The following ERICH1 variants were observed in gnomAD, a reference collection of about 807,000 sequenced individuals.
ERICH1 encodes the protein glutamate-rich protein 1.
Under a neutral mutation model 39.6 loss-of-function variants are expected in ERICH1, and 56 were observed. That is an observed-to-expected ratio of 1.41 (90% CI 1.14 to 1.77). ERICH1 has a LOEUF of 1.77. Ranked by LOEUF, ERICH1 falls within the 40% of genes most tolerant of loss-of-function variation. The pLI is 0.00. For missense variants in ERICH1, 826 were observed against 575.4 expected (o/e 1.44, Z -4.45); for synonymous variants, 313 against 223.6 (o/e 1.40, Z -3.57).
chr8:636,964 T>G (rs1798487280), intron 3 of ERICH1, among the ~76,000 whole-genome samples: 1 of 152,212 alleles, frequency 6.6e-6, no homozygotes, highest in Non-Finnish European at 1.5e-5. Context: ...CACAGTCCAC[T>G]TTCTGCAGGG....
At position 645,166 on chromosome 8, in the gene ERICH1, G is replaced by C. The variant is rs950075260; in HGVS notation, c.976+23432C>G. 4.4e-5 allele frequency among the ~76,000 whole-genome samples: 3 copies of C among 68,490 alleles called. 1 individual carries two copies. Among genetic ancestry groups the C allele is most frequent in the African/African-American group, 1.1e-4 (3 of 27,228 alleles). The allele number at this position is 68,490 out of a possible 152,430, so 44.9% of individuals were successfully genotyped here. A position where few individuals can be genotyped will look rare whatever the true frequency, so the allele number is the denominator to read the frequency against. ...GGAGGTGGGTGCGGCTCTCTGCAGGGAAGACCCCTTTCCCTCGGCTGGCAC... is the reference window on the plus strand; with the variant it reads ...GGAGGTGGGTGCGGCTCTCTGCAGGCAAGACCCCTTTCCCTCGGCTGGCAC... On this transcript the variant is annotated intron_variant, in intron 3 of 3. Transcript: ENST00000522706.
At chr8:640,337 G>A (rs957871055) in intron 3 of ERICH1, among the ~76,000 whole-genome samples, 23 of 152,190 alleles carry the variant, frequency 1.5e-4, no homozygotes, top group East Asian at 1.9e-4. Context: ...GTGGCAGGGC[G>A]AGCTCTCTCC....
downstream of ERICH1, among the ~76,000 whole-genome samples, chr8:663,211 C>T (rs926505305): frequency 2.0e-5 from 3 of 152,198 alleles, no homozygotes; most frequent in African/African-American, 7.2e-5. Context: ...AGGGAAGTGG[C>T]AGGACAGGGG....
rs1799460286 is a variant in ERICH1 at position 645,881 on chromosome 8, T to G, written c.976+22717A>C. ...ACTTCACATCTGGCTCCTTCTGTTC[T>G]GAAATGGAACTTGGCGCTAACTGGA... is the stretch of plus-strand genomic sequence containing the variant. On this transcript the variant is annotated intron_variant, in intron 3 of 3. Coordinates refer to the ERICH1 transcript ENST00000522706. 2.9e-5 allele frequency among the ~76,000 whole-genome samples: 2 copies of G among 69,494 alleles called. 1 individual carries two copies. Among genetic ancestry groups the G allele is most frequent in the African/African-American group, 7.2e-5 (2 of 27,724 alleles). The allele number at this position is 69,494 out of a possible 152,430, so 45.6% of individuals were successfully genotyped here.
chr8:626,522 T>C (rs1319713910), intron 3 of ERICH1: 1 of 154,268 alleles, frequency 6.5e-6, no homozygotes, highest in African/African-American at 2.4e-5. Flanking sequence ...GGTACAAAGG[T>C]GAGCACCAGA....
intron 3 of ERICH1, among the ~76,000 whole-genome samples, chr8:632,210 G>A (rs1380603881): frequency 1.3e-5 from 2 of 151,908 alleles, no homozygotes; most frequent in Non-Finnish European, 2.9e-5. Context: ...TTTGTCCCGG[G>A]GTCTCATTTT....
intron 2 of ERICH1, among the ~76,000 whole-genome samples, chr8:696,030 A>C (rs1473912292): frequency 1.2e-4 from 1 of 8,050 alleles, no homozygotes; most frequent in African/African-American, 6.3e-4. Flanking sequence ...CTCACCCTCC[A>C]CTCCTCTCCT....
In ERICH1 at chr8:645,897, G is replaced by A. The variant is rs1271597394; in HGVS notation, c.976+22701C>T. 5.8e-5 allele frequency among the ~76,000 whole-genome samples: 4 copies of A among 69,198 alleles called. 2 individuals carry two copies. Among genetic ancestry groups the A allele is most frequent in the African/African-American group, 1.5e-4 (4 of 27,510 alleles). The allele number at this position is 69,198 out of a possible 152,430, so 45.4% of individuals were successfully genotyped here. On this transcript the variant is annotated intron_variant, in intron 3 of 3. Transcript: ENST00000522706. ...CTTCTGTTCTGAAATGGAACTTGGC[G>A]CTAACTGGATGATCAGGCATTTCTG...
At chr8:708,695 T>TG (rs1813968816) in intron 2 of ERICH1, among the ~76,000 whole-genome samples, 3 of 129,192 alleles carry the variant, frequency 2.3e-5, no homozygotes, top group African/African-American at 8.8e-5. Flanking sequence ...TTTTTTTTTT[T>TG]TTTTTTTTTT....
intron 2 of ERICH1, among the ~76,000 whole-genome samples, chr8:698,470 C>G (rs1348706738): frequency 6.6e-6 from 1 of 152,078 alleles, no homozygotes; most frequent in African/African-American, 2.4e-5. Flanking sequence ...CCTCCTGCCT[C>G]GGCCTCCTAA....
At chr8:700,473 C>T (rs1313775952) in intron 2 of ERICH1, among the ~76,000 whole-genome samples, 2 of 137,708 alleles carry the variant, frequency 1.5e-5, no homozygotes, top group African/African-American at 2.7e-5. Context: ...CGCACAGACC[C>T]GCACAGGCGC....
At chr8:683,370 G>C (rs1806567118) in intron 3 of ERICH1, among the ~76,000 whole-genome samples, 1 of 152,170 alleles carries the variant, frequency 6.6e-6, no homozygotes, top group Admixed American at 6.5e-5. Context: ...TCTCCCCAGG[G>C]CCTCAGCCAC....
intron 2 of ERICH1, among the ~76,000 whole-genome samples, chr8:697,739 GA>G (rs1197325103): frequency 6.6e-6 from 1 of 152,032 alleles, no homozygotes; most frequent in African/African-American, 2.4e-5. Flanking sequence ...CTCAAGAGGG[GA>G]GGGACTTCAG....
intron 3 of ERICH1, among the ~76,000 whole-genome samples, chr8:618,717 C>A (rs966736704): frequency 5.9e-5 from 9 of 152,138 alleles, no homozygotes; most frequent in Non-Finnish European, 8.8e-5. Flanking sequence ...GCAATGGATA[C>A]TAACTATTAA....
intron 3 of ERICH1, among the ~76,000 whole-genome samples, chr8:616,739 GGA>G (rs1213580388): frequency 5.3e-5 from 7 of 133,060 alleles, no homozygotes; most frequent in Non-Finnish European, 1.1e-4. Flanking sequence ...TAGGGAAGCG[GGA>G]GAGAGAGGGA....
intron 3 of ERICH1, among the ~76,000 whole-genome samples, chr8:635,754 G>A (rs926280589): frequency 6.6e-6 from 1 of 152,298 alleles, no homozygotes; most frequent in African/African-American, 2.4e-5. Flanking sequence ...TGGGGCCGAC[G>A]CTCCCCCAGC....
intron 3 of ERICH1, among the ~76,000 whole-genome samples, chr8:629,264 C>A (rs184132966): frequency 6.6e-6 from 1 of 152,214 alleles, no homozygotes; most frequent in Admixed American, 6.5e-5. Flanking sequence ...GTGGAACACA[C>A]AGATGACCAA....
chr8:652,065 G>A (rs533172830), intron 3 of ERICH1, among the ~76,000 whole-genome samples: 10 of 152,276 alleles, frequency 6.6e-5, no homozygotes, highest in Non-Finnish European at 1.0e-4. Context: ...GTTTGCGGGC[G>A]CTGGGGCATC....
intron 3 of ERICH1, among the ~76,000 whole-genome samples, chr8:619,413 G>C (rs965952532): frequency 1.3e-5 from 2 of 152,082 alleles, no homozygotes; most frequent in African/African-American, 4.8e-5. Flanking sequence ...TTACATAAAA[G>C]AATATGTATA....
Sources: gnomAD v4.1 joint callset for allele counts (sites outside exome capture counted in the v4.1 genomes callset) on GRCh38, gnomAD v4.1.1 for gene constraint, MANE v1.5 for transcripts, NCBI Gene and HGNC (gene_info 2026-07-23, HGNC 2026-07-21) for gene names.